FBXL7: variants seen among roughly 807,000 people sequenced by gnomAD.
The protein encoded by FBXL7 is F-box and leucine rich repeat protein 7.
A neutral mutation model predicts 38.3 loss-of-function variants in FBXL7; 12 were observed. The ratio of observed to expected loss-of-function variants is 0.31; its 90% CI spans 0.20 to 0.51. The LOEUF (loss-of-function observed/expected upper bound fraction) is 0.51. Ranked by LOEUF, FBXL7 falls within the 20% of genes least tolerant of loss-of-function variation. FBXL7 has a pLI of 0.98. For missense variants in FBXL7, 567 were observed against 676.4 expected, an observed-to-expected ratio of 0.84 and a Z score of 1.79; for synonymous variants, 297 against 300.9, an observed-to-expected ratio of 0.99 and a Z score of 0.13.
intron 2 of FBXL7, among the ~76,000 whole-genome samples, chr5:15,715,919 G>A (rs1437275262): frequency 6.6e-6 from 1 of 152,178 alleles, no homozygotes; most frequent in Non-Finnish European, 1.5e-5. Flanking sequence ...TAACACTACA[G>A]ATATGTTTAA....
In FBXL7 at chr5:15,850,435, G is replaced by C. The variant is rs552164755; in HGVS notation, c.128-77455G>C. On this transcript the variant is annotated intron_variant, in intron 2 of 3. Transcript: ENST00000504595. ...TGAACCACAGCTTCCGTAGAGAAAG[G>C]GGGTATTGCCAGGTAAATCAGCCCT... Among the ~76,000 whole-genome samples, 8 of 152,308 alleles carry C rather than the reference G, an allele frequency of 5.3e-5. No homozygotes were observed. The South Asian group carries it at 6.2e-4, about 12-fold the overall frequency.
At chr5:15,924,751 T>G (rs1456571431) in intron 2 of FBXL7, among the ~76,000 whole-genome samples, 1 of 151,564 alleles carries the variant, frequency 6.6e-6, no homozygotes, top group Non-Finnish European at 1.5e-5. Context: ...CTCACCCTCC[T>G]GAGTAGCTGG....
intron 1 of FBXL7, among the ~76,000 whole-genome samples, chr5:15,529,920 A>G (rs1737371030): frequency 6.6e-6 from 1 of 152,204 alleles, no homozygotes; most frequent in South Asian, 2.1e-4. Flanking sequence ...TTTGCCAAGT[A>G]AAATAGTTTC....
intron 2 of FBXL7, among the ~76,000 whole-genome samples, chr5:15,700,535 G>A (rs994833236): frequency 4.6e-5 from 7 of 152,174 alleles, no homozygotes; most frequent in African/African-American, 1.7e-4. Context: ...CTGGAGGAAA[G>A]AATTGGGCCT....
At chr5:15,821,286 A>T (rs1738162958) in intron 2 of FBXL7, among the ~76,000 whole-genome samples, 1 of 152,200 alleles carries the variant, frequency 6.6e-6, no homozygotes, top group Non-Finnish European at 1.5e-5. Flanking sequence ...TAATTTTTTT[A>T]GGTTATTAGC....
At chr5:15,929,337 A>G (rs1741976723) in intron 3 of FBXL7, among the ~76,000 whole-genome samples, 1 of 152,254 alleles carries the variant, frequency 6.6e-6, no homozygotes, top group Non-Finnish European at 1.5e-5. Context: ...AAATTGAAGG[A>G]AGTCGGGCGT....
At chr5:15,589,447 C>T (rs551605500) in intron 1 of FBXL7, among the ~76,000 whole-genome samples, 1 of 152,224 alleles carries the variant, frequency 6.6e-6, no homozygotes, top group African/African-American at 2.4e-5. Flanking sequence ...GTTGTGCCTG[C>T]TTCCCCTTTG....
At chr5:15,774,024 A>G (rs1325987009) in intron 2 of FBXL7, among the ~76,000 whole-genome samples, 1 of 152,026 alleles carries the variant, frequency 6.6e-6, no homozygotes, top group African/African-American at 2.4e-5. Flanking sequence ...AATTACCACA[A>G]ATTTAATGAC....
At chr5:15,737,589 T>A (rs1446868276) in intron 2 of FBXL7, among the ~76,000 whole-genome samples, 8 of 152,222 alleles carry the variant, frequency 5.3e-5, no homozygotes, top group Admixed American at 5.2e-4. Flanking sequence ...AAGATCTTTT[T>A]AAAATGTATT....
intron 2 of FBXL7, among the ~76,000 whole-genome samples, chr5:15,804,889 C>T (rs902910790): frequency 6.6e-6 from 1 of 152,162 alleles, no homozygotes; most frequent in African/African-American, 2.4e-5. Flanking sequence ...CAAAACCAGC[C>T]CCTGGTGCCA....
At chr5:15,847,113 T>C (rs1452668889) in intron 2 of FBXL7, among the ~76,000 whole-genome samples, 1 of 152,134 alleles carries the variant, frequency 6.6e-6, no homozygotes, top group Non-Finnish European at 1.5e-5. Context: ...CTTTACCCAG[T>C]GTGGTAGGCA....
intron 2 of FBXL7, among the ~76,000 whole-genome samples, chr5:15,845,596 T>G (rs552326960): frequency 1.3e-5 from 2 of 152,334 alleles, no homozygotes; most frequent in South Asian, 4.1e-4. Flanking sequence ...ATGTTTCATA[T>G]TAAAAGTAGA....
intron 1 of FBXL7, among the ~76,000 whole-genome samples, chr5:15,570,939 A>C (rs747534702): frequency 6.6e-6 from 1 of 152,024 alleles, no homozygotes; most frequent in African/African-American, 2.4e-5. Flanking sequence ...CTAAAAATAC[A>C]AAATTAGCAG....
At chr5:15,882,695 A>G (rs902610119) in intron 2 of FBXL7, among the ~76,000 whole-genome samples, 2 of 152,262 alleles carry the variant, frequency 1.3e-5, no homozygotes, top group South Asian at 2.1e-4. Context: ...AGAAACCACA[A>G]TCTCTTCTCA....
At chr5:15,641,091 A>T (rs1741354566) in intron 2 of FBXL7, among the ~76,000 whole-genome samples, 1 of 152,198 alleles carries the variant, frequency 6.6e-6, no homozygotes, top group African/African-American at 2.4e-5. Flanking sequence ...GAAGACAATC[A>T]AGGCAAGTCT....
At chr5:15,610,900 A>G (rs938933408) in intron 1 of FBXL7, among the ~76,000 whole-genome samples, 19 of 152,318 alleles carry the variant, frequency 1.2e-4, no homozygotes, top group East Asian at 3.9e-4. Context: ...TGAAGAAACA[A>G]AAGAAACTAC....
rs529913660 is a variant in FBXL7 at position 15,798,846 on chromosome 5, C to G, written c.128-129044C>G. ...GTCATTATATCAGAAGTTCTAGATT[C>G]ATTTTTTTTCTAACTTTGGTCAGCC... is the stretch of plus-strand genomic sequence containing the variant. On this transcript the variant is annotated intron_variant, in intron 2 of 3. Transcript: ENST00000504595. Among the ~76,000 whole-genome samples the G allele has an allele frequency of 8.5e-4, 130 of 152,092 alleles. 1 individual carries two copies. Among genetic ancestry groups the G allele is most frequent in the Non-Finnish European group, 1.6e-3 (107 of 68,030 alleles).
intron 2 of FBXL7, among the ~76,000 whole-genome samples, chr5:15,912,872 A>C (rs1366184368): frequency 6.6e-6 from 1 of 152,106 alleles, no homozygotes; most frequent in Non-Finnish European, 1.5e-5. Context: ...ATGAACTTAG[A>C]CTGTAGTAGG....
intron 1 of FBXL7, among the ~76,000 whole-genome samples, chr5:15,557,943 A>C (rs1738299324): frequency 6.6e-6 from 1 of 152,218 alleles, no homozygotes; most frequent in Admixed American, 6.5e-5. Context: ...AATTACCTAA[A>C]ATAGGCAAAT....
Sources: gnomAD v4.1 joint callset for allele counts (sites outside exome capture counted in the v4.1 genomes callset) on GRCh38, gnomAD v4.1.1 for gene constraint, MANE v1.5 for transcripts, NCBI Gene and HGNC (gene_info 2026-07-23, HGNC 2026-07-21) for gene names.